C8orf34: variants seen among roughly 807,000 people sequenced by gnomAD.
The protein encoded by C8orf34 is chromosome 8 open reading frame 34, also known as uncharacterized protein C8orf34.
C8orf34 carries 65 observed loss-of-function variants against 68.3 expected under a neutral mutation model. The ratio of observed to expected loss-of-function variants is 0.95; its 90% confidence interval spans 0.78 to 1.17. The LOEUF (loss-of-function observed/expected upper bound fraction) is 1.17, where lower values mean the gene tolerates loss of function less well. C8orf34 is among the 50% of genes most tolerant of loss of function. The pLI is 0.00. For synonymous variants in C8orf34, 244 were observed against 241.2 expected (o/e 1.01, Z -0.11); for missense variants, 664 against 655.4 (o/e 1.01, Z -0.14).
At chr8:68,795,842 G>A (rs938477283) in intron 12 of C8orf34, among the ~76,000 whole-genome samples, 10 of 152,140 alleles carry the variant, frequency 6.6e-5, no homozygotes, top group Non-Finnish European at 1.0e-4. Context: ...GTTTAGCCCA[G>A]CTGGTATCAC....
chr8:68,393,961 A>G (rs1808579419), intron 1 of C8orf34, among the ~76,000 whole-genome samples: 1 of 152,138 alleles, frequency 6.6e-6, no homozygotes. Context: ...AGGACTGGCT[A>G]CATTCAAAAC....
intron 6 of C8orf34, among the ~76,000 whole-genome samples, chr8:68,526,190 G>A (rs558186749): frequency 2.6e-5 from 4 of 151,876 alleles, no homozygotes; most frequent in African/African-American, 9.7e-5. Context: ...TGTATTCCTG[G>A]ATTCAAGCAA....
chr8:68,381,347 C>T (rs982841992), intron 1 of C8orf34, among the ~76,000 whole-genome samples: 3 of 152,150 alleles, frequency 2.0e-5, no homozygotes, highest in Non-Finnish European at 2.9e-5. Flanking sequence ...ATTGTATTTT[C>T]GGGTTTGCAA....
At position 68,536,140 on chromosome 8, in the gene C8orf34, G is replaced by A. The variant is rs541241933; in HGVS notation, c.1105+2991G>A. ...TTAAGCCTGTAATACCAGCACTTTGGGAGGCTGAGGTGGGTGGATTGCTTG... is the reference window on the plus strand; with the variant it reads ...TTAAGCCTGTAATACCAGCACTTTGAGAGGCTGAGGTGGGTGGATTGCTTG... On this transcript the variant is annotated intron_variant, in intron 7 of 13. Coordinates refer to ENST00000518698, the MANE Select transcript of C8orf34 (RefSeq NM_052958.4). Among the ~76,000 whole-genome samples, 5 of 151,914 alleles carry A rather than the reference G, an allele frequency of 3.3e-5. No individual in the cohort carries two copies. The East Asian group carries it at 9.7e-4, about 29-fold the overall frequency.
chr8:68,482,463 C>G (rs1400083614), intron 4 of C8orf34, among the ~76,000 whole-genome samples: 1 of 152,078 alleles, frequency 6.6e-6, no homozygotes, highest in African/African-American at 2.4e-5. Flanking sequence ...TAAGTAGAGA[C>G]AAGGTCTCAC....
At chr8:68,604,739 G>A (rs1486045450) in intron 7 of C8orf34, among the ~76,000 whole-genome samples, 3 of 151,920 alleles carry the variant, frequency 2.0e-5, no homozygotes, top group East Asian at 1.9e-4. Flanking sequence ...AATGTAAAAG[G>A]CAAAACTGTA....
intron 8 of C8orf34, among the ~76,000 whole-genome samples, chr8:68,650,542 GGA>G (rs1491397507): frequency 6.8e-6 from 1 of 147,188 alleles, no homozygotes. Flanking sequence ...TGCAGTGGCA[GGA>G]TCTCGGCTCA....
intron 9 of C8orf34, among the ~76,000 whole-genome samples, chr8:68,719,894 A>G (rs1445920563): frequency 6.6e-6 from 1 of 151,998 alleles, no homozygotes; most frequent in African/African-American, 2.4e-5. Context: ...AGTGAATACT[A>G]AAATTATAGT....
intron 11 of C8orf34, among the ~76,000 whole-genome samples, chr8:68,787,027 G>C (rs995884542): frequency 6.6e-6 from 1 of 152,102 alleles, no homozygotes; most frequent in African/African-American, 2.4e-5. Context: ...AATACTAGGA[G>C]AGTAAAATCG....
chr8:68,683,847 G>A (rs1820437748), intron 8 of C8orf34, among the ~76,000 whole-genome samples: 1 of 152,136 alleles, frequency 6.6e-6, no homozygotes, highest in South Asian at 2.1e-4. Context: ...GGTTGGAAGA[G>A]GCAGACCGCA....
intron 10 of C8orf34, among the ~76,000 whole-genome samples, chr8:68,758,194 C>A (rs757697400): frequency 6.6e-6 from 1 of 152,188 alleles, no homozygotes; most frequent in Non-Finnish European, 1.5e-5. Flanking sequence ...GTCTAGGATG[C>A]CCACTGCTAG....
intron 8 of C8orf34, among the ~76,000 whole-genome samples, chr8:68,708,509 C>T (rs1821237026): frequency 1.3e-5 from 2 of 152,312 alleles, no homozygotes; most frequent in South Asian, 2.1e-4. Flanking sequence ...CATTAGGAAA[C>T]TTTACCTCCA....
At chr8:68,476,935 G>A (rs903330537) in intron 4 of C8orf34, among the ~76,000 whole-genome samples, 2 of 152,154 alleles carry the variant, frequency 1.3e-5, no homozygotes, top group African/African-American at 4.8e-5. Flanking sequence ...AGTGGTCTGG[G>A]TTGTAATTCA....
At chr8:68,787,742 C>A in intron 12 of C8orf34, 1 of 328,018 alleles carries the variant, frequency 3.0e-6, no homozygotes, top group Non-Finnish European at 5.6e-6. Flanking sequence ...GACTCATAGA[C>A]TAACTTTCTA....
chr8:68,598,760 A>G (rs1442940012), intron 7 of C8orf34, among the ~76,000 whole-genome samples: 1 of 152,166 alleles, frequency 6.6e-6, no homozygotes, highest in Admixed American at 6.5e-5. Flanking sequence ...TTTCAGGAAA[A>G]AATATCAGAT....
intron 1 of C8orf34, among the ~76,000 whole-genome samples, chr8:68,378,882 T>G (rs929886494): frequency 6.6e-6 from 1 of 152,168 alleles, no homozygotes; most frequent in African/African-American, 2.4e-5. Context: ...AGTATGAAAT[T>G]TGAATCAATA....
chr8:68,546,080 AG>A (rs1270364506), intron 7 of C8orf34, among the ~76,000 whole-genome samples: 1 of 152,032 alleles, frequency 6.6e-6, no homozygotes, highest in Non-Finnish European at 1.5e-5. Flanking sequence ...TGTTAAAAAA[AG>A]TACAAAGAGT....
chr8:68,501,872 A>G (rs189009991), intron 5 of C8orf34, among the ~76,000 whole-genome samples: 106 of 152,336 alleles, frequency 7.0e-4, no homozygotes, highest in Non-Finnish European at 1.0e-3. Context: ...TCTGCTAGAT[A>G]CACATAGGTA....
intron 10 of C8orf34, among the ~76,000 whole-genome samples, chr8:68,760,887 A>G (rs1351439987): frequency 6.6e-6 from 1 of 152,206 alleles, no homozygotes; most frequent in Non-Finnish European, 1.5e-5. Context: ...TTTGACTAAT[A>G]CAATGGTTGG....
Sources: gnomAD v4.1 joint callset for allele counts (sites outside exome capture counted in the v4.1 genomes callset) on GRCh38, gnomAD v4.1.1 for gene constraint, MANE v1.5 for transcripts, NCBI Gene and HGNC (gene_info 2026-07-23, HGNC 2026-07-21) for gene names.